The following SLC12A3 variants were observed in gnomAD, a reference collection of about 807,000 sequenced individuals.
The protein encoded by SLC12A3 is Na-Cl cotransporter.
Under a neutral mutation model 121.0 loss-of-function variants are expected in SLC12A3, and 104 were observed. The ratio of observed to expected loss-of-function variants is 0.86; its 90% CI spans 0.73 to 1.01. The LOEUF is 1.01. Among genes scored for constraint, SLC12A3 ranks in the 50% least tolerant of loss-of-function variants. The probability of loss-of-function intolerance (pLI) is 0.00; values close to 1 mark genes in which losing one functional copy is unlikely to be tolerated. For synonymous variants in SLC12A3, 536 were observed against 533.4 expected (o/e 1.00, Z -0.07); for missense variants, 1,328 against 1,356.3 (o/e 0.98, Z 0.33).
At position 56,878,058 on chromosome 16, in the gene SLC12A3, C is replaced by G. The variant is rs2055188648; in HGVS notation, c.1096-19C>G. 2 of 880,762 alleles carry G rather than the reference C, an allele frequency of 2.3e-6. No individual in the cohort carries two copies. The highest frequency in any genetic ancestry group is 1.7e-6 in the Non-Finnish European group (1 of 576,028). The allele number at this position is 880,762 out of a possible 1,614,324, so 54.6% of individuals were successfully genotyped here. A position where few individuals can be genotyped will look rare whatever the true frequency, so the allele number is the denominator to read the frequency against. On this transcript the variant is annotated intron_variant, in intron 8 of 25. Coordinates refer to ENST00000563236, the MANE Select transcript of SLC12A3 (RefSeq NM_001126108.2). ...TCTCTCCCTCCCTCCCTCCCTCCCTCTCTCCCTCCCTCCTTCAGGACCCTG... is the reference window on the plus strand; with the variant it reads ...TCTCTCCCTCCCTCCCTCCCTCCCTGTCTCCCTCCCTCCTTCAGGACCCTG...
rs1244866304 is a variant in SLC12A3, at chr16:56,902,494, A to T, written c.2842A>T (p.Lys948Ter). ...GAAGATCTCAGATGAGGAGATTACGAAGAACAGAGTCAAGGTGCAGAGAGG... is the reference window on the plus strand; with the variant it reads ...GAAGATCTCAGATGAGGAGATTACGTAGAACAGAGTCAAGGTGCAGAGAGG... The part of the protein sequence containing the change: ...PWKISDEEIT[K>*]NRVKSLRQVR... Residue 948 changes from lysine to a stop codon, truncating the protein, a stop_gained, in exon 24 of 26, where the codon AAG becomes TAG. Coordinates refer to ENST00000563236, the MANE Select transcript of SLC12A3 (RefSeq NM_001126108.2). LOFTEE classifies it high-confidence loss of function. 6.2e-7 allele frequency: 1 copy of T among 1,601,408 alleles called. No individual in the cohort carries two copies. The highest frequency in any genetic ancestry group is 1.7e-4 in the Middle Eastern group (1 of 6,000).
intron 14 of SLC12A3, among the ~76,000 whole-genome samples, 170 bp from the exon 15 acceptor site, chr16:56,885,095 A>G (rs2055292016): frequency 6.6e-6 from 1 of 152,136 alleles, no homozygotes; most frequent in South Asian, 2.1e-4. Flanking sequence ...ACGTGCAGCC[A>G]CACAGTCCGC....
At chr16:56,890,387 G>T (rs1219617588) in intron 19 of SLC12A3, 31 bp downstream of exon 19, 6 of 1,587,418 alleles carry the variant, frequency 3.8e-6, no homozygotes, top group South Asian at 3.3e-5. Flanking sequence ...CTCCCAGAAA[G>T]TTCTAGAACA....
intron 23 of SLC12A3, among the ~76,000 whole-genome samples, chr16:56,901,582 C>T (rs1388335949): frequency 5.3e-5 from 8 of 152,158 alleles, no homozygotes; most frequent in Admixed American, 2.6e-4. Context: ...TCAGGTGATC[C>T]GCCCGCCTCG....
rs1459402393 is a variant in SLC12A3, at chr16:56,886,453, T to C, written c.2015T>C (p.Met672Thr). 6.2e-7 allele frequency: 1 copy of C among 1,613,970 alleles called. No homozygotes were observed. Among genetic ancestry groups the C allele is most frequent in the Admixed American group, 1.7e-5 (1 of 60,034 alleles). ...VGTFTRNLSL[M>T]ICGHVLIGPH... ...ACCTTCACCCGGAACCTCAGCCTGA[T>C]GATCTGTGGCCACGTGCTCATCGTG... The change falls in exon 16 of 26, where the codon ATG becomes ACG. Residue 672 changes from methionine to threonine, a missense_variant. Physicochemically the swap from Met to Thr is moderately conservative, Grantham distance 81 (BLOSUM62 -1). Coordinates refer to ENST00000563236, the MANE Select transcript of SLC12A3 (RefSeq NM_001126108.2).
At position 56,872,718 on chromosome 16, in the gene SLC12A3, A is replaced by G. The variant is rs377556673; in HGVS notation, c.1027A>G (p.Met343Val). ...WRGPDGTFFG[M>V]FSIFFPSATG... ...GGGTCCAGATGGCACCTTCTTCGGA[A>G]TGTTCTCCATCTTCTTCCCCTCGGC... The change falls in exon 8 of 26, where the codon ATG (methionine) becomes GTG (valine). Residue 343 changes from methionine to valine, a missense_variant. Met to Val is a conservative substitution (Grantham distance 21). Coordinates refer to ENST00000563236, the MANE Select transcript of SLC12A3 (RefSeq NM_001126108.2). 6.2e-7 allele frequency: 1 copy of G among 1,614,236 alleles called. No homozygotes were observed. Among genetic ancestry groups the G allele is most frequent in the Non-Finnish European group, 8.5e-7 (1 of 1,180,034 alleles).
In SLC12A3 at chr16:56,870,185, G is replaced by A. The variant is rs2055073548; in HGVS notation, c.691G>A (p.Val231Met). 1 of 1,614,032 alleles carries A rather than the reference G, an allele frequency of 6.2e-7. No homozygotes were observed. Among genetic ancestry groups the A allele is most frequent in the Non-Finnish European group, 8.5e-7 (1 of 1,180,022 alleles). The change falls in exon 5 of 26, where the codon GTG becomes ATG. Residue 231 changes from valine to methionine, a missense_variant. By Grantham distance (21) the Val-to-Met change is conservative. Transcript: ENST00000563236. ...LIFAFANAVG[V>M]AMHTVGFAET... ...TTTCGCTTTCGCCAATGCCGTGGGT[G>A]TGGCCATGCACACGGTGGGCTTTGC...
chr16:56,882,293 T>C lies in SLC12A3; in HGVS notation c.1568-103T>C, dbSNP rs2055251388. ...GAGAAGGTTGAGACTGACTGAGCCT[T>C]GGTGGCCTGTCTGGGGTCCCCCACC... On this transcript the variant is annotated intron_variant, in intron 12 of 25. Transcript: ENST00000563236. 1.8e-5 allele frequency: 16 copies of C among 867,380 alleles called. No individual in the cohort carries two copies. In the South Asian group the frequency reaches 2.0e-4, roughly 11 times the overall value. 53.7% of individuals were successfully genotyped at this position (867,380 alleles called of 1,614,324 possible).
At position 56,894,107 on chromosome 16, in the gene SLC12A3, G is replaced by C. The variant is rs544644498; in HGVS notation, c.2522-424G>C. Among the ~76,000 whole-genome samples the C allele has an allele frequency of 5.3e-5, 8 of 151,896 alleles. No individual in the cohort carries two copies. In the South Asian group the frequency reaches 1.7e-3, roughly 32 times the overall value. Reference sequence around the variant, plus strand: ...CAACCTCTGCCTCCTGAGCTCAAGTGATTCTCCTGCCTCAGCCTCCTGAGT... The same window carrying C: ...CAACCTCTGCCTCCTGAGCTCAAGTCATTCTCCTGCCTCAGCCTCCTGAGT... On this transcript the variant is annotated intron_variant, in intron 21 of 25. Transcript: ENST00000563236.
intron 11 of SLC12A3, 44 bp downstream of exon 11, chr16:56,879,693 C>A: frequency 6.8e-7 from 1 of 1,472,836 alleles, no homozygotes; most frequent in East Asian, 2.3e-5. Context: ...GGTGGGGAGC[C>A]TGGGCTAGAG....
At chr16:56,887,800 T>TA (rs2055337793) in intron 17 of SLC12A3, 125 bp from the exon 18 acceptor site, 517 of 48,256 alleles carry the variant, frequency 0.011, no homozygotes, top group Non-Finnish European at 0.015. Flanking sequence ...ATATATATAT[T>TA]TTTTTTTTTT....
chr16:56,909,269 G>A (rs1252512793), intron 25 of SLC12A3, among the ~76,000 whole-genome samples: 1 of 150,948 alleles, frequency 6.6e-6, no homozygotes, highest in African/African-American at 2.4e-5. Flanking sequence ...GAACAGCCTG[G>A]GCAACATAGT....
At chr16:56,879,047 C>G in intron 9 of SLC12A3, 26 bp from the exon 10 acceptor site, 1 of 1,592,134 alleles carries the variant, frequency 6.3e-7, no homozygotes. Flanking sequence ...AGGCAGACCT[C>G]CCCATGCTCT....
chr16:56,885,728 G>A (rs1038447422), intron 15 of SLC12A3, among the ~76,000 whole-genome samples: 1 of 152,174 alleles, frequency 6.6e-6, no homozygotes, highest in Admixed American at 6.5e-5. Context: ...GGAGGTTTAT[G>A]CACCTGCCAT....
chr16:56,904,594 A>G (rs2055582766), intron 25 of SLC12A3, 132 bp downstream of exon 25: 2 of 848,070 alleles, frequency 2.4e-6, no homozygotes, highest in African/African-American at 3.3e-5. Context: ...CAAAGTTCCC[A>G]TAAACATAGC....
At chr16:56,898,707 G>C (rs189258613) in intron 22 of SLC12A3, among the ~76,000 whole-genome samples, 3 of 152,156 alleles carry the variant, frequency 2.0e-5, no homozygotes, top group Admixed American at 2.0e-4. Context: ...ACAAACCACA[G>C]TAGGCTTCTC....
rs1471713604 is a variant in SLC12A3, at chr16:56,884,219, TGCGGGGCCTCG to T, written c.1825+18_1825+28del. 1 of 1,613,736 alleles carries T rather than the reference TGCGGGGCCTCG, an allele frequency of 6.2e-7. No individual in the cohort carries two copies. Among genetic ancestry groups the T allele is most frequent in the Non-Finnish European group, 8.5e-7 (1 of 1,179,910 alleles). ...CAAGAAGCCAGGTGCGCATCTCAGC[TGCGGGGCCTCG>T]GCCCTCCTCCCCCAGGGTAGCCATG... On this transcript the variant is annotated intron_variant, in intron 14 of 25. Coordinates refer to ENST00000563236, the MANE Select transcript of SLC12A3 (RefSeq NM_001126108.2).
chr16:56,868,713 TGTAATCCCAGCACTTTGGGAGGCC>T, intron 3 of SLC12A3, among the ~76,000 whole-genome samples: 1 of 152,182 alleles, frequency 6.6e-6, no homozygotes, highest in East Asian at 1.9e-4. Flanking sequence ...TTTGGGAGGC[TGTAATCCCAGCACTTTGGGAGGCC>T]GAGGCAGGTG....
rs752153027 is a variant in SLC12A3 at position 56,913,435 on chromosome 16, T to A, written c.*30T>A. 6.2e-7 allele frequency: 1 copy of A among 1,611,416 alleles called. No individual in the cohort carries two copies. Among genetic ancestry groups the A allele is most frequent in the Non-Finnish European group, 8.5e-7 (1 of 1,177,486 alleles). On this transcript the variant is annotated 3_prime_UTR_variant, in exon 26 of 26. Transcript: ENST00000563236. ...AGGCTTTGACATCCCTGTCCACAGC[T>A]CTGAGTGTGTGGGATAAGTTGGAAC...
Sources: allele counts gnomAD v4.1 joint callset (sites outside exome capture counted in the v4.1 genomes callset), GRCh38; gene constraint gnomAD v4.1.1; transcripts MANE v1.5; gene names NCBI Gene and HGNC (gene_info 2026-07-23, HGNC 2026-07-21).